Variants in CCDC60 observed in about 807,000 individuals in gnomAD.
CCDC60 encodes the protein coiled-coil domain-containing protein 60.
A neutral mutation model predicts 63.5 loss-of-function variants in CCDC60; 54 were observed. The observed-to-expected ratio is 0.85, with a 90% CI of 0.68 to 1.07. The LOEUF (loss-of-function observed/expected upper bound fraction) is 1.07, where lower values mean the gene tolerates loss of function less well. Among genes scored for constraint, CCDC60 ranks in the 50% least tolerant of loss-of-function variants. CCDC60 has a pLI of 0.00. For missense variants in CCDC60, 651 were observed against 684.3 expected, an observed-to-expected ratio of 0.95 and a Z score of 0.54; for synonymous variants, 206 against 238.8, an observed-to-expected ratio of 0.86 and a Z score of 1.27.
chr12:119,362,964 GGC>G (rs1360564252), intron 1 of CCDC60, among the ~76,000 whole-genome samples: 1 of 152,166 alleles, frequency 6.6e-6, no homozygotes, highest in Non-Finnish European at 1.5e-5. Context: ...CGGGTGTGGT[GGC>G]ACATGCCTGT....
At chr12:119,374,077 T>C (rs1955927355) in intron 1 of CCDC60, among the ~76,000 whole-genome samples, 1 of 152,094 alleles carries the variant, frequency 6.6e-6, no homozygotes. Context: ...AGAAAACCTA[T>C]GCTGAAGAGG....
rs541187413 is a variant in CCDC60 at position 119,335,251 on chromosome 12, G to A, written c.75G>A (p.Ser25=). ...NSGAVRPFYA[S]ENLRQVPDKP... is the part of the protein sequence containing the mutation. ...GGGCTGTCCGGCCCTTTTATGCCTCGGAGAACCTAAGGCAGGTAAGTCTCC... is the reference window on the plus strand; with the variant it reads ...GGGCTGTCCGGCCCTTTTATGCCTCAGAGAACCTAAGGCAGGTAAGTCTCC... Residue 25 remains serine, a synonymous_variant, in exon 1 of 14, where the codon TCG becomes TCA. Transcript: ENST00000327554. 105 of 1,601,200 alleles carry A rather than the reference G, an allele frequency of 6.6e-5. 1 individual carries two copies. In the South Asian group the frequency reaches 8.3e-4, roughly 13 times the overall value.
chr12:119,440,575 TA>T (rs1393862126), intron 2 of CCDC60, among the ~76,000 whole-genome samples: 5 of 152,008 alleles, frequency 3.3e-5, no homozygotes, highest in Admixed American at 1.3e-4. Context: ...AATCTGAATA[TA>T]AAATCCATTG....
intron 6 of CCDC60, among the ~76,000 whole-genome samples, chr12:119,502,115 G>A (rs1434162005): frequency 6.6e-6 from 1 of 152,196 alleles, no homozygotes; most frequent in Non-Finnish European, 1.5e-5. Context: ...GGCTGAGTGT[G>A]ATACAGTAGG....
At chr12:119,428,399 C>T (rs1956937215) in intron 1 of CCDC60, among the ~76,000 whole-genome samples, 1 of 152,122 alleles carries the variant, frequency 6.6e-6, no homozygotes, top group African/African-American at 2.4e-5. Flanking sequence ...GAAATTGAGG[C>T]CCAAATTCTT....
chr12:119,416,287 G>A (rs1258607754), intron 1 of CCDC60, among the ~76,000 whole-genome samples: 1 of 152,120 alleles, frequency 6.6e-6, no homozygotes, highest in African/African-American at 2.4e-5. Context: ...GCTGAGGCAG[G>A]AGAATTGCTT....
At position 119,507,603 on chromosome 12, in the gene CCDC60, TATATA is replaced by T. The variant is rs1566050738; in HGVS notation, c.883+2301_883+2305del. Among the ~76,000 whole-genome samples, 13 of 28,178 alleles carry T rather than the reference TATATA, an allele frequency of 4.6e-4. 1 individual carries two copies. Among genetic ancestry groups the T allele is most frequent in the East Asian group, 1.5e-3 (1 of 654 alleles). The allele number at this position is 28,178 out of a possible 152,430, so 18.5% of individuals were successfully genotyped here. A position where few individuals can be genotyped will look rare whatever the true frequency, so the allele number is the denominator to read the frequency against. On this transcript the variant is annotated intron_variant, in intron 7 of 13. Coordinates refer to ENST00000327554, the MANE Select transcript of CCDC60 (RefSeq NM_178499.5). ...ACACATATATATACATATATATATA[TATATA>T]TATATATTTTTTTTTTTTTTTTCTA...
chr12:119,481,923 AC>A (rs1043120446), intron 4 of CCDC60, among the ~76,000 whole-genome samples: 2 of 145,590 alleles, frequency 1.4e-5, no homozygotes, highest in African/African-American at 5.3e-5. Flanking sequence ...TGCTGCAAAT[AC>A]CATAAATTCA....
At chr12:119,409,942 A>G (rs1334234842) in intron 1 of CCDC60, among the ~76,000 whole-genome samples, 2 of 151,474 alleles carry the variant, frequency 1.3e-5, no homozygotes, top group African/African-American at 4.9e-5. Context: ...TTCCAATTCC[A>G]TCCTCTTCTC....
At position 119,508,298 on chromosome 12, in the gene CCDC60, G is replaced by A. The variant is rs184902847; in HGVS notation, c.883+2995G>A. 1.5e-4 allele frequency among the ~76,000 whole-genome samples: 23 copies of A among 151,862 alleles called. No individual in the cohort carries two copies. In the East Asian group the frequency reaches 4.3e-3, roughly 28 times the overall value. On this transcript the variant is annotated intron_variant, in intron 7 of 13. Transcript: ENST00000327554. Reference sequence around the variant, plus strand: ...GAGATCAAGACCATCCTGGCCAACGGGGTGAAATCCCATCTCTACTAAAAA... The same window carrying A: ...GAGATCAAGACCATCCTGGCCAACGAGGTGAAATCCCATCTCTACTAAAAA...
intron 1 of CCDC60, among the ~76,000 whole-genome samples, chr12:119,359,621 G>A (rs1054941890): frequency 1.2e-4 from 18 of 151,346 alleles, no homozygotes; most frequent in African/African-American, 4.4e-4. Flanking sequence ...GTGGAGGGAA[G>A]GTCAGCAGAT....
At chr12:119,346,351 A>G (rs1009171884) in intron 1 of CCDC60, among the ~76,000 whole-genome samples, 1 of 152,096 alleles carries the variant, frequency 6.6e-6, no homozygotes, top group African/African-American at 2.4e-5. Flanking sequence ...TCTAACCTCT[A>G]CTTGTAGAGA....
chr12:119,450,702 C>CA (rs1333295839), intron 2 of CCDC60, among the ~76,000 whole-genome samples: 106 of 152,146 alleles, frequency 7.0e-4, no homozygotes, highest in African/African-American at 2.5e-3. Context: ...ACTAAAAATA[C>CA]AAAAATTAGC....
chr12:119,440,734 T>C (rs1231998750), intron 2 of CCDC60, among the ~76,000 whole-genome samples: 1 of 151,976 alleles, frequency 6.6e-6, no homozygotes, highest in Non-Finnish European at 1.5e-5. Context: ...GAAGGTAAAC[T>C]GTGATGGAGC....
intron 1 of CCDC60, among the ~76,000 whole-genome samples, chr12:119,408,594 TG>T (rs1956536106): frequency 6.6e-6 from 1 of 152,012 alleles, no homozygotes; most frequent in Admixed American, 6.6e-5. Flanking sequence ...GAGGCCGAGG[TG>T]GGTGGATCAC....
At chr12:119,436,197 T>C (rs552692722) in intron 2 of CCDC60, among the ~76,000 whole-genome samples, 2 of 152,296 alleles carry the variant, frequency 1.3e-5, no homozygotes, top group South Asian at 4.1e-4. Context: ...TTTGGGTCCA[T>C]TTTTTCAGTC....
intron 1 of CCDC60, among the ~76,000 whole-genome samples, chr12:119,365,599 G>A (rs74890522): frequency 1.8e-3 from 273 of 152,310 alleles, no homozygotes; most frequent in African/African-American, 6.4e-3. Context: ...GGTGTTTACT[G>A]ACTAAAGGGC....
At chr12:119,344,855 T>TCTCTCTCA (rs1232194303) in intron 1 of CCDC60, among the ~76,000 whole-genome samples, 13 of 114,856 alleles carry the variant, frequency 1.1e-4, no homozygotes, top group African/African-American at 4.2e-4. Context: ...TCTCTCTCTC[T>TCTCTCTCA]CACACACACA....
rs80150249 is a variant in CCDC60, at chr12:119,486,317, G to A, written c.450-2442G>A. Reference sequence around the variant, plus strand: ...TTTGGGAGGCCAAGGCAGGAGGACCGCTGGAGGCCAGGAGTTTGACGCTAG... The same window carrying A: ...TTTGGGAGGCCAAGGCAGGAGGACCACTGGAGGCCAGGAGTTTGACGCTAG... On this transcript the variant is annotated intron_variant, in intron 4 of 13. Coordinates refer to ENST00000327554, the MANE Select transcript of CCDC60 (RefSeq NM_178499.5). Among the ~76,000 whole-genome samples the A allele has an allele frequency of 9.6e-3, 1,468 of 152,220 alleles. 9 individuals carry two copies. The highest frequency in any genetic ancestry group is 0.016 in the Non-Finnish European group (1,072 of 68,018).
Sources: allele counts gnomAD v4.1 joint callset (sites outside exome capture counted in the v4.1 genomes callset), GRCh38; gene constraint gnomAD v4.1.1; transcripts MANE v1.5; gene names NCBI Gene and HGNC (gene_info 2026-07-23, HGNC 2026-07-21).